The following UXS1 variants were observed in gnomAD, a reference collection of about 807,000 sequenced individuals.
UXS1 encodes the protein UDP-glucuronic acid decarboxylase 1.
Under a neutral mutation model 62.6 loss-of-function variants are expected in UXS1, and 33 were observed. The observed-to-expected ratio is 0.53, with a 90% CI of 0.40 to 0.70. UXS1 has a LOEUF of 0.70. Among genes scored for constraint, UXS1 ranks in the 30% least tolerant of loss-of-function variants. The probability of loss-of-function intolerance (pLI) is 0.00; values close to 1 mark genes in which losing one functional copy is unlikely to be tolerated. For synonymous variants in UXS1, 213 were observed against 206.8 expected (o/e 1.03, Z -0.26); for missense variants, 434 against 556.3 (o/e 0.78, Z 2.21).
chr2:106,164,212 T>C (rs776932848), intron 3 of UXS1, among the ~76,000 whole-genome samples: 1 of 152,206 alleles, frequency 6.6e-6, no homozygotes, highest in African/African-American at 2.4e-5. Context: ...CTCCCTAAGT[T>C]GGCTTCAAAT....
intron 1 of UXS1, among the ~76,000 whole-genome samples, chr2:106,170,099 T>C (rs1683456066): frequency 6.6e-6 from 1 of 152,032 alleles, no homozygotes; most frequent in African/African-American, 2.4e-5. Context: ...GCTTCATGAA[T>C]CCCTTCCTTC....
At chr2:106,143,282 G>A (rs766803544) in intron 6 of UXS1, among the ~76,000 whole-genome samples, 4 of 151,442 alleles carry the variant, frequency 2.6e-5, no homozygotes, top group South Asian at 2.1e-4. Context: ...GGTGGCAAGT[G>A]CCTGTAGTCC....
intron 1 of UXS1, among the ~76,000 whole-genome samples, chr2:106,178,017 CAGA>C (rs1684000798): frequency 6.6e-6 from 1 of 152,234 alleles, no homozygotes; most frequent in African/African-American, 2.4e-5. Context: ...AGTCAAATGC[CAGA>C]AGAACTCCTC....
chr2:106,112,308 C>T (rs1019204791), intron 10 of UXS1, among the ~76,000 whole-genome samples: 9 of 152,322 alleles, frequency 5.9e-5, no homozygotes, highest in East Asian at 1.9e-4. Flanking sequence ...CTCAGCCATC[C>T]GAGGACACCC....
intron 6 of UXS1, among the ~76,000 whole-genome samples, chr2:106,144,979 C>T (rs1276487624): frequency 6.6e-6 from 1 of 152,142 alleles, no homozygotes; most frequent in African/African-American, 2.4e-5. Flanking sequence ...AGGGGTGCCA[C>T]GTAGGAGAGA....
chr2:106,156,570 C>T (rs1036643613), intron 5 of UXS1, among the ~76,000 whole-genome samples: 2 of 152,144 alleles, frequency 1.3e-5, no homozygotes, highest in East Asian at 1.9e-4. Flanking sequence ...CAGGACCGCA[C>T]CCCACCCCCA....
In UXS1 at chr2:106,096,826, G is replaced by C. The variant is rs776995042; in HGVS notation, c.1043-5C>G. 1.5e-5 allele frequency: 24 copies of C among 1,572,242 alleles called. No individual in the cohort carries two copies. The highest frequency in any genetic ancestry group is 1.7e-4 in the Middle Eastern group (1 of 6,022). On this transcript the variant is annotated splice_region_variant and splice_polypyrimidine_tract_variant and intron_variant, in intron 13 of 14. Transcript: ENST00000283148. Reference sequence around the variant, plus strand: ...ACTGAATTTCACTTCCGCTACCTGAGATGTTTAAAGAAAAAAAAGGTAGGA... The same window carrying C: ...ACTGAATTTCACTTCCGCTACCTGACATGTTTAAAGAAAAAAAAGGTAGGA...
In UXS1 at chr2:106,186,029, G is replaced by A. The variant is rs13430320; in HGVS notation, c.94+8119C>T. Among the ~76,000 whole-genome samples the A allele has an allele frequency of 4.0e-3, 614 of 152,184 alleles. 10 individuals carry two copies. Among genetic ancestry groups the A allele is most frequent in the African/African-American group, 0.014 (602 of 41,540 alleles). On this transcript the variant is annotated intron_variant, in intron 1 of 14. Transcript: ENST00000283148. ...ACGGGAAACTAATACAGTGAGAGAAGAAAAAGGGAGGGAAAGTTCTTTTCA... is the reference window on the plus strand; with the variant it reads ...ACGGGAAACTAATACAGTGAGAGAAAAAAAAGGGAGGGAAAGTTCTTTTCA...
At chr2:106,123,503 T>G (rs1362078344) in intron 8 of UXS1, among the ~76,000 whole-genome samples, 1 of 152,148 alleles carries the variant, frequency 6.6e-6, no homozygotes, top group Non-Finnish European at 1.5e-5. Flanking sequence ...ACGCAGCATC[T>G]CTGGAACATG....
At chr2:106,162,079 G>A (rs1019044442) in intron 4 of UXS1, among the ~76,000 whole-genome samples, 2 of 152,104 alleles carry the variant, frequency 1.3e-5, no homozygotes, top group Non-Finnish European at 2.9e-5. Flanking sequence ...CGCTTTTTTA[G>A]CCAGGCCTAC....
rs1163036562 is a variant in UXS1 at position 106,187,757 on chromosome 2, T to C, written c.94+6391A>G. 2.0e-5 allele frequency among the ~76,000 whole-genome samples: 3 copies of C among 152,138 alleles called. No individual in the cohort carries two copies. The East Asian group carries it at 5.8e-4, about 29-fold the overall frequency. On this transcript the variant is annotated intron_variant, in intron 1 of 14. Transcript: ENST00000283148. ...CTGTAATTTCCTTTTTTTTTTTTTT[T>C]TGAGATGGAGTTTCGCTTTTGTTGC...
chr2:106,178,838 C>T (rs1053911509), intron 1 of UXS1, among the ~76,000 whole-genome samples: 1 of 152,036 alleles, frequency 6.6e-6, no homozygotes, highest in African/African-American at 2.4e-5. Context: ...CCAGTGCCCC[C>T]CAGCCTTCCT....
chr2:106,120,593 C>A (rs1042460220), intron 9 of UXS1, among the ~76,000 whole-genome samples: 2 of 152,216 alleles, frequency 1.3e-5, no homozygotes, highest in Non-Finnish European at 2.9e-5. Flanking sequence ...AGTTTACTGA[C>A]CTGTTGGCCA....
intron 4 of UXS1, among the ~76,000 whole-genome samples, chr2:106,158,337 C>G (rs1375508855): frequency 1.3e-5 from 2 of 152,190 alleles, no homozygotes; most frequent in Non-Finnish European, 2.9e-5. Flanking sequence ...AAAGACGTGA[C>G]TTGAGATTCT....
chr2:106,192,879 G>A (rs1005066433), intron 1 of UXS1, among the ~76,000 whole-genome samples: 2 of 152,158 alleles, frequency 1.3e-5, no homozygotes, highest in Non-Finnish European at 2.9e-5. Flanking sequence ...ACACAGTTAA[G>A]CACTCAACAA....
In UXS1 at chr2:106,096,710, G is replaced by GCACTTAC. The variant is rs749513890; in HGVS notation, c.1146+1_1146+7dup. 1 of 1,557,626 alleles carries GCACTTAC rather than the reference G, an allele frequency of 6.4e-7. No individual in the cohort carries two copies. The highest frequency in any genetic ancestry group is 8.7e-7 in the Non-Finnish European group (1 of 1,149,522). ...CCCCACAAGGCAGCATTAACTCCCTGCACTTACCACGGGCTCCCACCCCAG... is the reference window on the plus strand; with the variant it reads ...CCCCACAAGGCAGCATTAACTCCCTGCACTTACCACTTACCACGGGCTCCCACCCCAG... On this transcript the variant is annotated splice_region_variant and intron_variant, in intron 14 of 14. Coordinates refer to ENST00000283148, the MANE Select transcript of UXS1 (RefSeq NM_001253875.2).
chr2:106,176,412 C>A (rs1382831403), intron 1 of UXS1, among the ~76,000 whole-genome samples: 1 of 152,144 alleles, frequency 6.6e-6, no homozygotes, highest in East Asian at 1.9e-4. Flanking sequence ...TTAAGCTGAC[C>A]AGAAGGTTCG....
intron 6 of UXS1, among the ~76,000 whole-genome samples, chr2:106,143,042 T>G (rs1315211256): frequency 6.6e-6 from 1 of 151,774 alleles, no homozygotes; most frequent in Non-Finnish European, 1.5e-5. Flanking sequence ...TAAAACACCA[T>G]TTTTACTAAG....
chr2:106,103,416 C>T (rs1288467070), intron 11 of UXS1, among the ~76,000 whole-genome samples: 2 of 152,208 alleles, frequency 1.3e-5, no homozygotes, highest in African/African-American at 4.8e-5. Context: ...GACAGCAAGA[C>T]TCCCTCAGAA....
Sources: allele counts gnomAD v4.1 joint callset (sites outside exome capture counted in the v4.1 genomes callset), GRCh38; gene constraint gnomAD v4.1.1; transcripts MANE v1.5; gene names NCBI Gene and HGNC (gene_info 2026-07-23, HGNC 2026-07-21).